The following PID1 variants were observed in gnomAD, a reference collection of about 807,000 sequenced individuals.
PID1 encodes phosphotyrosine interaction domain containing 1, also known as PTB-containing, cubilin and LRP1-interacting protein.
A neutral mutation model predicts 19.1 loss-of-function variants in PID1; 10 were observed. The observed-to-expected ratio is 0.52, with a 90% confidence interval of 0.32 to 0.89. The LOEUF is 0.89. Among genes scored for constraint, PID1 ranks in the 40% least tolerant of loss-of-function variants. The pLI is 0.03. For synonymous variants in PID1, 130 were observed against 116.0 expected (o/e 1.12, Z -0.78); for missense variants, 248 against 285.3 (o/e 0.87, Z 0.94).
intron 1 of PID1, among the ~76,000 whole-genome samples, chr2:229,191,299 C>T (rs1388354523): frequency 6.6e-6 from 1 of 152,142 alleles, no homozygotes; most frequent in African/African-American, 2.4e-5. Context: ...TCACAGGTAT[C>T]AAATGAAGGC....
At chr2:229,123,093 C>T (rs4973157) in intron 2 of PID1, among the ~76,000 whole-genome samples, 120,909 of 152,074 alleles carry the variant, frequency 0.8, 48,192 homozygotes, top group East Asian at 1. Context: ...TCCAGAGTTG[C>T]GTGATCATCA....
At chr2:229,079,433 GA>G (rs201854066) in intron 2 of PID1, among the ~76,000 whole-genome samples, 2,477 of 152,258 alleles carry the variant, frequency 0.016, 61 homozygotes, top group African/African-American at 0.057. Context: ...ATGCTCTGAG[GA>G]ATCAAAGATG....
intron 2 of PID1, among the ~76,000 whole-genome samples, chr2:229,110,068 C>G (rs1695266091): frequency 6.6e-6 from 1 of 152,294 alleles, no homozygotes; most frequent in East Asian, 1.9e-4. Context: ...GGACTCCCAC[C>G]CTACAAGACA....
intron 1 of PID1, among the ~76,000 whole-genome samples, chr2:229,198,090 T>G (rs778762614): frequency 5.3e-5 from 8 of 152,068 alleles, no homozygotes; most frequent in Non-Finnish European, 1.2e-4. Flanking sequence ...CTGTAAAATA[T>G]TGGCACTTTG....
At chr2:229,239,252 G>A (rs1689806157) in intron 1 of PID1, among the ~76,000 whole-genome samples, 1 of 152,106 alleles carries the variant, frequency 6.6e-6, no homozygotes, top group South Asian at 2.1e-4. Flanking sequence ...GTTTCCAAGT[G>A]ACAGATGCTG....
intron 2 of PID1, among the ~76,000 whole-genome samples, chr2:229,102,685 T>C (rs1695097552): frequency 6.6e-6 from 1 of 152,202 alleles, no homozygotes; most frequent in Admixed American, 6.5e-5. Flanking sequence ...GTCATCTTAA[T>C]AGAACCCTCT....
intron 2 of PID1, among the ~76,000 whole-genome samples, chr2:229,045,598 A>C (rs1439878170): frequency 1.3e-5 from 2 of 152,254 alleles, no homozygotes; most frequent in East Asian, 3.8e-4. Flanking sequence ...AGTGCTTTGC[A>C]CAAAACTTGT....
intron 2 of PID1, among the ~76,000 whole-genome samples, chr2:229,062,355 T>A (rs1694229478): frequency 6.6e-6 from 1 of 152,008 alleles, no homozygotes; most frequent in African/African-American, 2.4e-5. Context: ...TTATGGCTTT[T>A]GTCCTTCATT....
chr2:229,040,265 A>G (rs1452658069), intron 2 of PID1, among the ~76,000 whole-genome samples: 1 of 151,942 alleles, frequency 6.6e-6, no homozygotes, highest in Non-Finnish European at 1.5e-5. Context: ...CTAAAAATAC[A>G]AAAAAAATCG....
intron 2 of PID1, among the ~76,000 whole-genome samples, chr2:229,145,263 T>C (rs1294382283): frequency 6.6e-6 from 1 of 150,446 alleles, no homozygotes; most frequent in Admixed American, 6.6e-5. Context: ...ATTTTAGTTT[T>C]GAAGTTATTA....
intron 1 of PID1, among the ~76,000 whole-genome samples, chr2:229,204,441 C>T (rs1691563591): frequency 6.6e-6 from 1 of 151,996 alleles, no homozygotes; most frequent in South Asian, 2.1e-4. Flanking sequence ...GATCACTGAC[C>T]TCTTGAAGAA....
chr2:229,054,719 T>TTG (rs1694062545), intron 2 of PID1, among the ~76,000 whole-genome samples: 6 of 17,982 alleles, frequency 3.3e-4, no homozygotes, highest in African/African-American at 7.5e-4. Context: ...TGTGTGTGTG[T>TTG]GGGGGGGGGG....
chr2:229,234,980 T>C (rs1187011173), intron 1 of PID1, among the ~76,000 whole-genome samples: 1 of 152,342 alleles, frequency 6.6e-6, no homozygotes, highest in Non-Finnish European at 1.5e-5. Flanking sequence ...AAATGCATCA[T>C]GCTTTATTTT....
intron 2 of PID1, among the ~76,000 whole-genome samples, chr2:229,056,080 A>C (rs900559297): frequency 3.3e-5 from 5 of 152,200 alleles, no homozygotes; most frequent in African/African-American, 1.2e-4. Flanking sequence ...TGAGTGGTAG[A>C]GTGTATCTAT....
rs1457610539 is a variant in PID1, at chr2:229,184,507, T to G, written c.31-28543A>C. 2.4e-4 allele frequency among the ~76,000 whole-genome samples: 5 copies of G among 20,442 alleles called. 1 individual carries two copies. In the East Asian group the frequency reaches 3.0e-3, roughly 12 times the overall value. 13.4% of individuals were successfully genotyped at this position (20,442 alleles called of 152,430 possible). On this transcript the variant is annotated intron_variant, in intron 1 of 2. Transcript: ENST00000392055. ...TATATATATACCGTATATATATATA[T>G]CCCGTATATATATATCCCGTATATA...
chr2:229,255,122 A>G (rs1163658137), intron 1 of PID1, among the ~76,000 whole-genome samples: 1 of 152,336 alleles, frequency 6.6e-6, no homozygotes, highest in Middle Eastern at 3.4e-3. Flanking sequence ...CAAGTCTATA[A>G]TAGCCTCATC....
intron 1 of PID1, among the ~76,000 whole-genome samples, chr2:229,254,309 A>G (rs180814504): frequency 3.7e-3 from 559 of 152,270 alleles, no homozygotes; most frequent in Non-Finnish European, 5.9e-3. Context: ...ACAGATGTCC[A>G]CTTCTGCTTC....
At chr2:229,143,314 T>C (rs1293864343) in intron 2 of PID1, among the ~76,000 whole-genome samples, 2 of 151,586 alleles carry the variant, frequency 1.3e-5, no homozygotes, top group African/African-American at 4.9e-5. Context: ...ACCTGCACAT[T>C]GTGCACATGT....
intron 1 of PID1, among the ~76,000 whole-genome samples, chr2:229,235,596 A>G (rs539185914): frequency 4.6e-5 from 7 of 152,326 alleles, no homozygotes; most frequent in African/African-American, 1.7e-4. Context: ...AATCCTTGAA[A>G]TAGTCACTGG....
Sources: gnomAD v4.1 joint callset for allele counts (sites outside exome capture counted in the v4.1 genomes callset) on GRCh38, gnomAD v4.1.1 for gene constraint, MANE v1.5 for transcripts, NCBI Gene and HGNC (gene_info 2026-07-23, HGNC 2026-07-21) for gene names.